Variants in NCOA2 observed in about 807,000 individuals in gnomAD.
NCOA2 encodes nuclear receptor coactivator 2.
NCOA2 carries 21 observed loss-of-function variants against 145.1 expected under a neutral mutation model. That is an observed-to-expected ratio of 0.14 (90% confidence interval 0.10 to 0.21). NCOA2 has a LOEUF of 0.21. Among genes scored for constraint, NCOA2 ranks in the 10% least tolerant of loss-of-function variants. The pLI is 1.00. For synonymous variants in NCOA2, 619 were observed against 637.5 expected (o/e 0.97, Z 0.44); for missense variants, 1,472 against 1,837.6 (o/e 0.80, Z 3.64).
intron 2 of NCOA2, among the ~76,000 whole-genome samples, chr8:70,263,924 AAC>A (rs1021168493): frequency 1.3e-5 from 2 of 152,208 alleles, no homozygotes; most frequent in African/African-American, 4.8e-5. Flanking sequence ...TCTTAAAAAA[AAC>A]AGTGGGCCAG....
At chr8:70,178,089 T>C in intron 4 of NCOA2, among the ~76,000 whole-genome samples, 1 of 152,142 alleles carries the variant, frequency 6.6e-6, no homozygotes, top group East Asian at 1.9e-4. Flanking sequence ...TACAAAAACC[T>C]TACACTTAGA....
At chr8:70,436,837 A>AG in the NCOA2 span, among the ~76,000 whole-genome samples, 2 of 152,198 alleles carry the variant, frequency 1.3e-5, no homozygotes, top group African/African-American at 4.8e-5. Flanking sequence ...GAGACGACAC[A>AG]GGTATGACCA....
In NCOA2 at chr8:70,155,563, A is replaced by G. The variant is rs146463650; in HGVS notation, c.2394+408T>C. Among the ~76,000 whole-genome samples, 98 of 152,276 alleles carry G rather than the reference A, an allele frequency of 6.4e-4. 2 individuals carry two copies. The East Asian group carries it at 0.013, about 20-fold the overall frequency. On this transcript the variant is annotated intron_variant, in intron 11 of 22. Coordinates refer to ENST00000452400, the MANE Select transcript of NCOA2 (RefSeq NM_006540.4). ...TTTTTAATGGTTAAAAACATTTTAAATATTTTGTGACACATGATAATTCCA... is the reference window on the plus strand; with the variant it reads ...TTTTTAATGGTTAAAAACATTTTAAGTATTTTGTGACACATGATAATTCCA...
chr8:70,389,571 T>G lies in NCOA2; in HGVS notation c.-77+14129A>C, dbSNP rs186900485. 2.2e-4 allele frequency among the ~76,000 whole-genome samples: 34 copies of G among 152,054 alleles called. 1 individual carries two copies. Among genetic ancestry groups the G allele is most frequent in the South Asian group, 4.2e-4 (2 of 4,814 alleles). ...CTGGGATTACAGGCATGAGCCACCATGCCTGGCCAACGCCAACATTTTTTT... is the reference window on the plus strand; with the variant it reads ...CTGGGATTACAGGCATGAGCCACCAGGCCTGGCCAACGCCAACATTTTTTT... On this transcript the variant is annotated intron_variant, in intron 1 of 22. Transcript: ENST00000452400.
chr8:70,230,368 T>C (rs1586184293), intron 2 of NCOA2, among the ~76,000 whole-genome samples: 1 of 152,024 alleles, frequency 6.6e-6, no homozygotes, highest in Non-Finnish European at 1.5e-5. Flanking sequence ...TCTTTTGGGG[T>C]TGATAAAACT....
chr8:70,300,798 G>A (rs1165614981), intron 1 of NCOA2, among the ~76,000 whole-genome samples: 1 of 151,868 alleles, frequency 6.6e-6, no homozygotes, highest in Non-Finnish European at 1.5e-5. Flanking sequence ...TACTTTTTTT[G>A]GCTTAACAAC....
At chr8:70,138,076 T>C in intron 15 of NCOA2, 127 bp downstream of exon 15, 7 of 963,204 alleles carry the variant, frequency 7.3e-6, no homozygotes, top group Non-Finnish European at 1.0e-5. Context: ...CTCCTCTTCA[T>C]GCACTGCACA....
At chr8:70,182,418 TACTTAA>T (rs1371400606) in intron 4 of NCOA2, among the ~76,000 whole-genome samples, 2 of 152,238 alleles carry the variant, frequency 1.3e-5, no homozygotes, top group African/African-American at 4.8e-5. Context: ...AAGGCATGAC[TACTTAA>T]GTAGAAACAA....
At chr8:70,141,513 C>T in intron 13 of NCOA2, 114 bp from the exon 14 acceptor site, 1 of 976,442 alleles carries the variant, frequency 1.0e-6, no homozygotes, top group Non-Finnish European at 1.6e-6. Context: ...TCACACTTAG[C>T]CAATAGCTAA....
chr8:70,333,688 C>A (rs1255631221), intron 1 of NCOA2, among the ~76,000 whole-genome samples: 3 of 152,182 alleles, frequency 2.0e-5, no homozygotes, highest in African/African-American at 7.2e-5. Flanking sequence ...ATGGTGACCA[C>A]TACCTGCACT....
intron 12 of NCOA2, among the ~76,000 whole-genome samples, chr8:70,145,388 G>A (rs1457245589): frequency 5.3e-5 from 8 of 151,612 alleles, no homozygotes; most frequent in Non-Finnish European, 7.4e-5. Flanking sequence ...GTAGTGGCCC[G>A]ATCTCGGCTC....
chr8:70,216,180 A>G (rs1318187397), intron 3 of NCOA2, among the ~76,000 whole-genome samples: 1 of 152,216 alleles, frequency 6.6e-6, no homozygotes, highest in Admixed American at 6.5e-5. Flanking sequence ...GGGCATTATA[A>G]CAACTCATAC....
chr8:70,113,142 T>C lies in NCOA2; in HGVS notation c.*490A>G. 4.8e-6 allele frequency: 1 copy of C among 207,572 alleles called. No individual in the cohort carries two copies. The highest frequency in any genetic ancestry group is 9.9e-6 in the Non-Finnish European group (1 of 101,186). 12.9% of individuals were successfully genotyped at this position (207,572 alleles called of 1,614,324 possible). On this transcript the variant is annotated 3_prime_UTR_variant, in exon 23 of 23. Coordinates refer to ENST00000452400, the MANE Select transcript of NCOA2 (RefSeq NM_006540.4). ...TTCCATCCCAAATTCAGGCTTTAGC[T>C]TAAAACATCTTTAGTTTAATTTTTT... is the stretch of plus-strand genomic sequence containing the variant.
chr8:70,284,659 T>C (rs1449743760), intron 2 of NCOA2, among the ~76,000 whole-genome samples: 1 of 152,110 alleles, frequency 6.6e-6, no homozygotes, highest in South Asian at 2.1e-4. Flanking sequence ...GGATGGTATA[T>C]ACAAATGAGG....
intron 2 of NCOA2, among the ~76,000 whole-genome samples, chr8:70,228,329 T>A (rs1170658285): frequency 6.6e-6 from 1 of 152,202 alleles, no homozygotes; most frequent in African/African-American, 2.4e-5. Context: ...GATTGTACAG[T>A]GGAGTCCAAT....
rs112907882 is a variant in NCOA2 at position 70,335,239 on chromosome 8, C to T, written c.-76-38439G>A. Reference sequence around the variant, plus strand: ...CATGATCTCTGCTCACACTGCCCCCCATACTGGCTTTTCCCTTTCTTCAAC... The same window carrying T: ...CATGATCTCTGCTCACACTGCCCCCTATACTGGCTTTTCCCTTTCTTCAAC... On this transcript the variant is annotated intron_variant, in intron 1 of 22. Coordinates refer to ENST00000452400, the MANE Select transcript of NCOA2 (RefSeq NM_006540.4). Among the ~76,000 whole-genome samples the T allele has an allele frequency of 9.1e-4, 138 of 151,392 alleles. 1 individual carries two copies. Among genetic ancestry groups the T allele is most frequent in the African/African-American group, 3.3e-3 (136 of 41,268 alleles).
chr8:70,411,458 A>G, the NCOA2 span, among the ~76,000 whole-genome samples: 1 of 152,350 alleles, frequency 6.6e-6, no homozygotes, highest in South Asian at 2.1e-4. Context: ...TTGTGTTACT[A>G]TATATTAGAA....
At chr8:70,207,505 C>T (rs928303186) in intron 4 of NCOA2, among the ~76,000 whole-genome samples, 9 of 152,052 alleles carry the variant, frequency 5.9e-5, no homozygotes, top group Non-Finnish European at 1.3e-4. Flanking sequence ...GCCATTAAGC[C>T]ACATGAAAAT....
intron 1 of NCOA2, among the ~76,000 whole-genome samples, chr8:70,329,509 A>G (rs968612856): frequency 1.3e-5 from 2 of 152,054 alleles, no homozygotes; most frequent in Non-Finnish European, 2.9e-5. Context: ...CCAAAATGCT[A>G]GCATTACAGG....
Sources: gnomAD v4.1 joint callset for allele counts (sites outside exome capture counted in the v4.1 genomes callset) on GRCh38, gnomAD v4.1.1 for gene constraint, MANE v1.5 for transcripts, NCBI Gene and HGNC (gene_info 2026-07-23, HGNC 2026-07-21) for gene names.